ZNF689: variants seen among roughly 807,000 people sequenced by gnomAD.
ZNF689 encodes zinc finger protein 689, also known as short ORF-encoded histone-binding protein.
In ZNF689, 14 loss-of-function variants were observed where a neutral mutation model predicts 37.2. The observed-to-expected ratio is 0.38, with a 90% CI of 0.25 to 0.59. ZNF689 has a LOEUF of 0.59. Ranked by LOEUF, ZNF689 falls within the 20% of genes least tolerant of loss-of-function variation. The probability of loss-of-function intolerance (pLI) is 0.68; values close to 1 mark genes in which losing one functional copy is unlikely to be tolerated. For missense variants in ZNF689, 573 were observed against 700.2 expected (o/e 0.82, Z 2.05); for synonymous variants, 277 against 283.3 (o/e 0.98, Z 0.22).
Position 30,604,584 on chromosome 16 carries a change from G to A in ZNF689, c.1183C>T (p.His395Tyr), listed in dbSNP as rs1567527256. 6.3e-7 allele frequency: 1 copy of A among 1,591,530 alleles called. No individual in the cohort carries two copies. Among genetic ancestry groups the A allele is most frequent in the Non-Finnish European group, 8.6e-7 (1 of 1,169,376 alleles). The change falls in exon 3 of 3, where the codon CAC becomes TAC. Residue 395 changes from histidine to tyrosine, a missense_variant. His to Tyr is a moderately conservative substitution (Grantham distance 83, BLOSUM62 2). Around this residue, in one of 3 missense-constraint regions of ZNF689, gnomAD observed 317 missense variants for 367.1 expected, o/e 0.86. Coordinates refer to ENST00000287461, the MANE Select transcript of ZNF689 (RefSeq NM_138447.3). The surrounding 1 kb of genome is among the most constrained non-coding windows in gnomAD (Gnocchi z 5.2). ...CAGGCGTGCAGCTTCTCCTCTGTGT[G>A]CGTGCTGCGATGGATGGCCAGGGAG... ...SGSLAIHRST[H>Y]TEEKLHACDD...
In ZNF689 at chr16:30,603,963, G is replaced by A. The variant is rs1417258736; in HGVS notation, c.*301C>T. 1 of 530,880 alleles carries A rather than the reference G, an allele frequency of 1.9e-6. No homozygotes were observed. The highest frequency in any genetic ancestry group is 1.7e-5 in the South Asian group (1 of 59,242). 32.9% of individuals were successfully genotyped at this position (530,880 alleles called of 1,614,324 possible). A position where few individuals can be genotyped will look rare whatever the true frequency, so the allele number is the denominator to read the frequency against. ...ATGACAGGTAATCCCTGTGTGGACA[G>A]ACTAGAAAAGCAGACAGCCCCTAAA... is the stretch of plus-strand genomic sequence containing the variant. On this transcript the variant is annotated 3_prime_UTR_variant, in exon 3 of 3. Coordinates refer to ENST00000287461, the MANE Select transcript of ZNF689 (RefSeq NM_138447.3).
intron 2 of ZNF689, among the ~76,000 whole-genome samples, chr16:30,607,248 CAAAAAAAA>C (rs758625831): frequency 5.9e-4 from 11 of 18,636 alleles, no homozygotes; most frequent in African/African-American, 1.2e-3. Flanking sequence ...GACTCCATCT[CAAAAAAAA>C]AAAAAAAAAA....
At chr16:30,610,407 C>A (rs376879528), upstream of ZNF689, 5 of 227,250 alleles carry the variant, frequency 2.2e-5, no homozygotes, top group African/African-American at 9.3e-5. Flanking sequence ...TTGGGCTTCA[C>A]GCCGTCTTTT....
Position 30,605,102 on chromosome 16 carries a change from T to C in ZNF689, c.665A>G (p.Gln222Arg). 1 of 1,614,056 alleles carries C rather than the reference T, an allele frequency of 6.2e-7. No individual in the cohort carries two copies. Among genetic ancestry groups the C allele is most frequent in the Non-Finnish European group, 8.5e-7 (1 of 1,179,998 alleles). Residue 222 changes from glutamine (Q) to arginine (R), a missense_variant, in exon 3 of 3, where the codon CAG becomes CGG. Transcript: ENST00000287461. The surrounding 1 kb of genome is among the most constrained non-coding windows in gnomAD (Gnocchi z 5.1). Reference sequence around the variant, plus strand: ...CTCCCCTGTATGGATGACCTGGTGCTGGGAGAGGTTCTTGCGCTGGGAGAA... The same window carrying C: ...CTCCCCTGTATGGATGACCTGGTGCCGGGAGAGGTTCTTGCGCTGGGAGAA... The part of the protein sequence containing the change: ...KRFSQRKNLS[Q>R]HQVIHTGEKP...
chr16:30,610,413 C>CT (rs907131614), upstream of ZNF689: 5 of 220,402 alleles, frequency 2.3e-5, no homozygotes, highest in South Asian at 8.4e-5. Flanking sequence ...TTCACGCCGT[C>CT]TTTTTTCCCC....
In ZNF689 at chr16:30,605,557, GC is replaced by G; in HGVS notation, c.320-111del. On this transcript the variant is annotated intron_variant, in intron 2 of 2. Coordinates refer to ENST00000287461, the MANE Select transcript of ZNF689 (RefSeq NM_138447.3). The surrounding 1 kb of genome is among the most constrained non-coding windows in gnomAD (Gnocchi z 5.1). ...TCACCCCCTGGTCTCAATTCCTAGT[GC>G]CACAGACAGCTAAGTGTGACATACT... 1 of 1,095,906 alleles carries G rather than the reference GC, an allele frequency of 9.1e-7. No individual in the cohort carries two copies. Among genetic ancestry groups the G allele is most frequent in the Non-Finnish European group, 1.3e-6 (1 of 766,122 alleles). The allele number at this position is 1,095,906 out of a possible 1,614,324, so 67.9% of individuals were successfully genotyped here.
chr16:30,610,107 C>T lies in ZNF689; in HGVS notation c.-66G>A. On this transcript the variant is annotated 5_prime_UTR_variant, in exon 1 of 3. Transcript: ENST00000287461. The stretch of plus-strand genomic sequence containing the variant: ...CCTCGGCCCTCGGGCGCTGGCGGCC[C>T]CTGGGATCGAGGAGCCCCTGCCGGA... 3 of 1,509,988 alleles carry T rather than the reference C, an allele frequency of 2.0e-6. 1 individual carries two copies. The highest frequency in any genetic ancestry group is 1.3e-5 in the South Asian group (1 of 79,790). The allele number at this position is 1,509,988 out of a possible 1,614,324, so 93.5% of individuals were successfully genotyped here.
intron 2 of ZNF689, among the ~76,000 whole-genome samples, chr16:30,606,432 C>T (rs1461557177): frequency 6.6e-6 from 1 of 152,140 alleles, no homozygotes; most frequent in Non-Finnish European, 1.5e-5. Flanking sequence ...ATGTCACCTT[C>T]CCTATCTTTC....
In ZNF689 at chr16:30,604,975, A is replaced by T; in HGVS notation, c.792T>A (p.Pro264=). Residue 264 remains proline (P), a synonymous_variant, in exon 3 of 3, where the codon CCT becomes CCA. Transcript: ENST00000287461. The surrounding 1 kb of genome is among the most constrained non-coding windows in gnomAD (Gnocchi z 5.2). ...THTGEKPHQC[P]SCGRRFAYPS... ...GGTAGGCGAAGCGACGTCCACAGCT[A>T]GGGCACTGGTGGGGTTTTTCACCTG... 6.3e-7 allele frequency: 1 copy of T among 1,590,350 alleles called. No homozygotes were observed. Among genetic ancestry groups the T allele is most frequent in the Non-Finnish European group, 8.6e-7 (1 of 1,166,808 alleles).
At chr16:30,609,670 T>G in intron 1 of ZNF689, 32 bp from the exon 2 acceptor site, 1 of 1,613,348 alleles carries the variant, frequency 6.2e-7, no homozygotes, top group Non-Finnish European at 8.5e-7. Flanking sequence ...GAAGGCCAGC[T>G]CCTAGATCAC....
Position 30,605,438 on chromosome 16 carries a change from G to A in ZNF689, c.329C>T (p.Thr110Ile). ...TTCCTTCTCCCCATTCTTCTTTCTG[G>A]TTCTGCTTTCTATAGAAATACAGAA... ...RGLTVQRKSR[T>I]RKKNGEKEVF... Residue 110 changes from threonine (T) to isoleucine (I), a missense_variant, in exon 3 of 3, where the codon ACC (threonine) becomes ATC (isoleucine). Physicochemically the swap from Thr to Ile is moderately conservative, Grantham distance 89. Coordinates refer to ENST00000287461, the MANE Select transcript of ZNF689 (RefSeq NM_138447.3). The surrounding 1 kb of genome is among the most constrained non-coding windows in gnomAD (Gnocchi z 5.1). 2 of 1,611,412 alleles carry A rather than the reference G, an allele frequency of 1.2e-6. No homozygotes were observed. Among genetic ancestry groups the A allele is most frequent in the Non-Finnish European group, 1.7e-6 (2 of 1,179,400 alleles).
intron 2 of ZNF689, among the ~76,000 whole-genome samples, chr16:30,607,432 AAT>A (rs2052047316): frequency 6.6e-6 from 1 of 151,480 alleles, no homozygotes; most frequent in African/African-American, 2.4e-5. Context: ...CTCTACTAAA[AAT>A]ACAAAAATTA....
Position 30,608,334 on chromosome 16 carries a change from A to G in ZNF689, c.319+1191T>C, listed in dbSNP as rs576008439. On this transcript the variant is annotated intron_variant, in intron 2 of 2. Transcript: ENST00000287461. ...CACTGTGGCACCCAGGCTGGAGTAC[A>G]CTGGCATGATCTCGGCTCACTGTAA... is the stretch of plus-strand genomic sequence containing the variant. 4 of 151,648 alleles carry G rather than the reference A, an allele frequency of 2.6e-5. No homozygotes were observed. In the South Asian group the frequency reaches 6.2e-4, roughly 24 times the overall value. The allele number at this position is 151,648 out of a possible 1,614,324, so 9.4% of individuals were successfully genotyped here.
Position 30,609,573 on chromosome 16 carries a change from C to T in ZNF689, c.271G>A (p.Ala91Thr), listed in dbSNP as rs755217893. The change falls in exon 2 of 3, where the codon GCT becomes ACT. Residue 91 changes from alanine (A) to threonine (T), a missense_variant. By Grantham distance (58) the Ala-to-Thr change is moderately conservative (BLOSUM62 0). Transcript: ENST00000287461. ...GGGTACTCCTGCGGATCTAGAGCAG[C>T]CGGTTCCCAGTCATCGGTGTTTCGT... ...LERNTDDWEP[A>T]ALDPQEYPRG... 9.3e-6 allele frequency: 15 copies of T among 1,613,992 alleles called. No individual in the cohort carries two copies. Among genetic ancestry groups the T allele is most frequent in the Admixed American group, 6.7e-5 (4 of 59,974 alleles).
chr16:30,609,440 A>G, intron 2 of ZNF689, 85 bp downstream of exon 2: 1 of 1,287,440 alleles, frequency 7.8e-7, no homozygotes, highest in Non-Finnish European at 1.1e-6. Context: ...ACCCACCCCT[A>G]GCCCAACCAA....
In ZNF689 at chr16:30,609,878, C is replaced by G. The variant is rs1300859451; in HGVS notation, c.164G>C (p.Arg55Pro). The G allele has an allele frequency of 6.2e-7, 1 of 1,611,160 alleles. No homozygotes were observed. Among genetic ancestry groups the G allele is most frequent in the South Asian group, 1.1e-5 (1 of 90,864 alleles). The stretch of plus-strand genomic sequence containing the variant: ...ACCGTAGGTCTCCCGCATCACGTCC[C>G]GGTACAGGGCCCTCTGCGCGGGCCG... ...CLRPAQRALY[R>P]DVMRETYGHL... The change falls in exon 1 of 3, where the codon CGG (arginine) becomes CCG (proline). Residue 55 changes from arginine to proline, a missense_variant. Transcript: ENST00000287461.
In ZNF689 at chr16:30,605,879, G is replaced by A. The variant is rs933421183; in HGVS notation, c.320-432C>T. 1.3e-5 allele frequency among the ~76,000 whole-genome samples: 2 copies of A among 151,196 alleles called. No individual in the cohort carries two copies. Among genetic ancestry groups the A allele is most frequent in the Non-Finnish European group, 1.5e-5 (1 of 67,906 alleles). ...AGGCTGAGGCAGGAGAATCGCCCGG[G>A]AGGCAGAGGTTGCAGTGAGCCGAGA... On this transcript the variant is annotated intron_variant, in intron 2 of 2. Coordinates refer to ENST00000287461, the MANE Select transcript of ZNF689 (RefSeq NM_138447.3). This position sits in a 1 kb window ranked among gnomAD's most constrained non-coding sequence, Gnocchi z 5.1.
chr16:30,603,990 T>C lies in ZNF689; in HGVS notation c.*274A>G, dbSNP rs750788932. The C allele has an allele frequency of 1.8e-5, 11 of 608,284 alleles. 1 individual carries two copies. The highest frequency in any genetic ancestry group is 1.5e-4 in the South Asian group (10 of 64,592). 37.7% of individuals were successfully genotyped at this position (608,284 alleles called of 1,614,324 possible). On this transcript the variant is annotated 3_prime_UTR_variant, in exon 3 of 3. Transcript: ENST00000287461. ...CTAGAAAAGCAGACAGCCCCTAAAA[T>C]AGATGGGGAGAACTTTTAGCCCTGA... is the stretch of plus-strand genomic sequence containing the variant.
At position 30,604,992 on chromosome 16, in the gene ZNF689, T is replaced by G; in HGVS notation, c.775A>C (p.Lys259Gln). The change falls in exon 3 of 3, where the codon AAA (lysine) becomes CAA (glutamine). Residue 259 changes from lysine to glutamine, a missense_variant. Transcript: ENST00000287461. This position sits in a 1 kb window ranked among gnomAD's most constrained non-coding sequence, Gnocchi z 5.2. ...CCACAGCTAGGGCACTGGTGGGGTT[T>G]TTCACCTGTGTGTGTGGTCCGGTGA... ...ANHRTTHTGE[K>Q]PHQCPSCGRR... is the part of the protein sequence containing the mutation. 2 of 1,599,512 alleles carry G rather than the reference T, an allele frequency of 1.3e-6. No individual in the cohort carries two copies. Among genetic ancestry groups the G allele is most frequent in the Non-Finnish European group, 1.7e-6 (2 of 1,171,678 alleles).
Sources: gnomAD v4.1 joint callset for allele counts (sites outside exome capture counted in the v4.1 genomes callset) on GRCh38, gnomAD v4.1.1 for gene constraint, gnomAD v4.1.1 regional missense constraint, Gnocchi (gnomAD v3.1) non-coding constraint, MANE v1.5 for transcripts, NCBI Gene and HGNC (gene_info 2026-07-23, HGNC 2026-07-21) for gene names.